CSNK1G3: variants seen among roughly 807,000 people sequenced by gnomAD.
CSNK1G3 encodes the protein casein kinase I isoform gamma-3.
CSNK1G3 carries 23 observed loss-of-function variants against 64.3 expected under a neutral mutation model. The observed-to-expected ratio is 0.36, with a 90% confidence interval of 0.26 to 0.51. The LOEUF is 0.51. Among genes scored for constraint, CSNK1G3 ranks in the 20% least tolerant of loss-of-function variants. CSNK1G3 has a pLI of 0.96. For synonymous variants in CSNK1G3, 158 were observed against 162.2 expected (o/e 0.97, Z 0.20); for missense variants, 357 against 510.5 (o/e 0.70, Z 2.90).
chr5:123,542,057 A>T (rs1037314587), intron 1 of CSNK1G3, among the ~76,000 whole-genome samples: 3 of 152,180 alleles, frequency 2.0e-5, no homozygotes, highest in Non-Finnish European at 4.4e-5. Context: ...GTGGAACCAC[A>T]TAATTCTTCA....
chr5:123,572,937 T>C (rs1788415622), intron 4 of CSNK1G3, among the ~76,000 whole-genome samples: 1 of 152,092 alleles, frequency 6.6e-6, no homozygotes, highest in South Asian at 2.1e-4. Context: ...AAGGGAGGGG[T>C]TTATACAAGG....
In CSNK1G3 at chr5:123,541,300, A is replaced by G. The variant is rs541990480; in HGVS notation, c.-247-4117A>G. On this transcript the variant is annotated intron_variant, in intron 1 of 12. Coordinates refer to ENST00000345990, the Ensembl canonical transcript of CSNK1G3. The stretch of plus-strand genomic sequence containing the variant: ...ATGAAATGCACCTCTGTAAATTTGT[A>G]GATAATCCTTTGTTTTGATGTCCAG... Among the ~76,000 whole-genome samples the G allele has an allele frequency of 8.5e-5, 13 of 152,308 alleles. No homozygotes were observed. In the East Asian group the frequency reaches 2.3e-3, roughly 27 times the overall value.
intron 1 of CSNK1G3, among the ~76,000 whole-genome samples, chr5:123,538,705 A>G (rs1455912576): frequency 2.0e-5 from 3 of 152,164 alleles, no homozygotes; most frequent in African/African-American, 4.8e-5. Flanking sequence ...CGTTCTGCAC[A>G]TGTATCCCAG....
chr5:123,539,975 C>A (rs138306485), intron 1 of CSNK1G3, among the ~76,000 whole-genome samples: 4 of 151,068 alleles, frequency 2.6e-5, no homozygotes, highest in South Asian at 2.1e-4. Flanking sequence ...ATTTTGATAT[C>A]CCTTCTTTCA....
chr5:123,598,719 T>C (rs1193916973), intron 10 of CSNK1G3, among the ~76,000 whole-genome samples: 3 of 152,124 alleles, frequency 2.0e-5, no homozygotes, highest in African/African-American at 7.2e-5. Context: ...ACGGGTCTTG[T>C]TACTAAATTT....
At chr5:123,576,037 T>C (rs1173203403) in intron 6 of CSNK1G3, 74 bp downstream of exon 6, 14 of 951,442 alleles carry the variant, frequency 1.5e-5, no homozygotes, top group East Asian at 2.6e-5. Flanking sequence ...TTATTTGTTA[T>C]GGTTCAGTTT....
At chr5:123,548,195 A>G (rs1205425418) in intron 2 of CSNK1G3, among the ~76,000 whole-genome samples, 1 of 152,162 alleles carries the variant, frequency 6.6e-6, no homozygotes, top group Non-Finnish European at 1.5e-5. Flanking sequence ...ATGGTGGCTC[A>G]CATCTATCAT....
At chr5:123,583,108 T>G (rs1790624437) in intron 6 of CSNK1G3, among the ~76,000 whole-genome samples, 1 of 152,206 alleles carries the variant, frequency 6.6e-6, no homozygotes, top group Non-Finnish European at 1.5e-5. Context: ...AGCTTCCCCT[T>G]GGATAGAATT....
chr5:123,615,541 A>G (rs1322908233), exon 13 of CSNK1G3: 1 of 152,334 alleles, frequency 6.6e-6, no homozygotes, highest in African/African-American at 2.4e-5. Flanking sequence ...AATATTTTGG[A>G]AAGGATGGGT....
chr5:123,574,608 C>T (rs957475347), intron 5 of CSNK1G3, among the ~76,000 whole-genome samples: 2 of 151,760 alleles, frequency 1.3e-5, no homozygotes, highest in South Asian at 4.1e-4. Context: ...ATCACTTGAG[C>T]CCAGGAGTTC....
At chr5:123,555,086 G>C (rs1275669977) in intron 3 of CSNK1G3, among the ~76,000 whole-genome samples, 1 of 152,008 alleles carries the variant, frequency 6.6e-6, no homozygotes, top group African/African-American at 2.4e-5. Context: ...CTCTTAACTA[G>C]TTTTCTCCCC....
At chr5:123,591,130 AG>A (rs1448883892) in intron 9 of CSNK1G3, among the ~76,000 whole-genome samples, 188 bp from the exon 10 acceptor site, 1 of 152,130 alleles carries the variant, frequency 6.6e-6, no homozygotes, top group Non-Finnish European at 1.5e-5. Context: ...CACTTTAAAA[AG>A]TAGGTATATT....
chr5:123,567,327 G>T (rs889384350), intron 4 of CSNK1G3, among the ~76,000 whole-genome samples: 1 of 152,194 alleles, frequency 6.6e-6, no homozygotes, highest in Admixed American at 6.5e-5. Context: ...AAGGCCAGGC[G>T]TGGTGGCTCA....
chr5:123,581,456 TCTAC>T (rs1196843121), intron 6 of CSNK1G3, among the ~76,000 whole-genome samples: 5 of 150,408 alleles, frequency 3.3e-5, no homozygotes, highest in Non-Finnish European at 7.4e-5. Flanking sequence ...TTTGCTTTTC[TCTAC>T]CTTTGATTTA....
At chr5:123,531,877 A>G (rs2150100458) in intron 1 of CSNK1G3, among the ~76,000 whole-genome samples, 1 of 152,050 alleles carries the variant, frequency 6.6e-6, no homozygotes, top group East Asian at 1.9e-4. Context: ...AAAAATTGTA[A>G]GCAGGGGGTA....
chr5:123,583,358 AGT>A (rs1491314718), intron 6 of CSNK1G3, among the ~76,000 whole-genome samples: 1 of 56,716 alleles, frequency 1.8e-5, no homozygotes, highest in African/African-American at 7.2e-5. Context: ...ATAGAAATCC[AGT>A]TTTTTTTTTT....
intron 4 of CSNK1G3, among the ~76,000 whole-genome samples, chr5:123,572,839 C>G (rs997936569): frequency 1.3e-5 from 2 of 152,202 alleles, no homozygotes; most frequent in African/African-American, 4.8e-5. Context: ...GATCAACTTA[C>G]AGTCAACTGA....
intron 10 of CSNK1G3, 145 bp downstream of exon 11, chr5:123,595,279 A>G (rs1793209531): frequency 1.4e-6 from 1 of 707,666 alleles, no homozygotes; most frequent in Admixed American, 3.4e-5. Context: ...TTTGTTATTT[A>G]ACCAGAAAAA....
intron 6 of CSNK1G3, among the ~76,000 whole-genome samples, chr5:123,582,894 G>C (rs746846506): frequency 1.3e-5 from 2 of 152,186 alleles, no homozygotes; most frequent in African/African-American, 4.8e-5. Flanking sequence ...AGATATGTCA[G>C]TTGGTGAAAG....
Sources: allele counts gnomAD v4.1 joint callset (sites outside exome capture counted in the v4.1 genomes callset), GRCh38; gene constraint gnomAD v4.1.1; transcripts MANE v1.5; gene names NCBI Gene and HGNC (gene_info 2026-07-23, HGNC 2026-07-21).